TRIM2: variants seen among roughly 807,000 people sequenced by gnomAD.
TRIM2 encodes tripartite motif containing 2.
A neutral mutation model predicts 75.2 loss-of-function variants in TRIM2; 20 were observed. The ratio of observed to expected loss-of-function variants is 0.27; its 90% CI spans 0.19 to 0.39. TRIM2 has a LOEUF of 0.39. Among genes scored for constraint, TRIM2 ranks in the 10% least tolerant of loss-of-function variants. The pLI is 1.00. For synonymous variants in TRIM2, 373 were observed against 388.3 expected, an observed-to-expected ratio of 0.96 and a Z score of 0.46; for missense variants, 660 against 990.8, an observed-to-expected ratio of 0.67 and a Z score of 4.48.
At chr4:153,155,152 A>G (rs769719503) in intron 1 of TRIM2, among the ~76,000 whole-genome samples, 10 of 152,238 alleles carry the variant, frequency 6.6e-5, no homozygotes, top group Non-Finnish European at 1.0e-4. Flanking sequence ...AAAAAAAGAA[A>G]GAAAGAAAAA....
At chr4:153,245,846 T>G (rs541610006) in intron 1 of TRIM2, among the ~76,000 whole-genome samples, 2 of 152,188 alleles carry the variant, frequency 1.3e-5, no homozygotes, top group East Asian at 3.9e-4. Flanking sequence ...ACGGCTAGTT[T>G]CTTTGTATTT....
In TRIM2 at chr4:153,243,388, C is replaced by T. The variant is rs1307990847; in HGVS notation, c.31-26947C>T. On this transcript the variant is annotated intron_variant, in intron 1 of 11. Coordinates refer to ENST00000338700, the MANE Select transcript of TRIM2 (RefSeq NM_015271.5). The stretch of plus-strand genomic sequence containing the variant: ...GCTGTGCCATGTGGCAGGGCAAAGA[C>T]GAAGAGCAGTGCCAGGTTCCTTGAC... Among the ~76,000 whole-genome samples, 4 of 152,350 alleles carry T rather than the reference C, an allele frequency of 2.6e-5. 1 individual carries two copies. Among genetic ancestry groups the T allele is most frequent in the East Asian group, 3.9e-4 (2 of 5,188 alleles).
At chr4:153,208,369 G>T (rs1736038387) in intron 1 of TRIM2, among the ~76,000 whole-genome samples, 1 of 151,364 alleles carries the variant, frequency 6.6e-6, no homozygotes, top group South Asian at 2.1e-4. Context: ...AGAAATTTGT[G>T]TAATTTCTTA....
intron 4 of TRIM2, 110 bp from the exon 5 acceptor site, chr4:153,294,195 A>T (rs1019707149): frequency 5.5e-6 from 6 of 1,086,286 alleles, no homozygotes; most frequent in African/African-American, 4.8e-5. Flanking sequence ...TTGTTTTTTT[A>T]AAGATGATGA....
chr4:153,199,925 C>T (rs1478314383), upstream of TRIM2, among the ~76,000 whole-genome samples: 4 of 149,100 alleles, frequency 2.7e-5, no homozygotes, highest in South Asian at 2.1e-4. Context: ...AGGCAGGCAC[C>T]ACCATGGCCA....
chr4:153,161,679 G>A (rs551730107), intron 1 of TRIM2, among the ~76,000 whole-genome samples: 1 of 152,268 alleles, frequency 6.6e-6, no homozygotes, highest in South Asian at 2.1e-4. Flanking sequence ...AGTTTTCTTT[G>A]TATCCTTTGG....
At chr4:153,305,002 A>G (rs182752155) in intron 6 of TRIM2, among the ~76,000 whole-genome samples, 14 of 152,320 alleles carry the variant, frequency 9.2e-5, no homozygotes, top group African/African-American at 3.4e-4. Context: ...CACATGAGCT[A>G]TTATAAGGGC....
intron 3 of TRIM2, among the ~76,000 whole-genome samples, chr4:153,285,962 A>G (rs1222371722): frequency 2.0e-5 from 3 of 152,224 alleles, no homozygotes; most frequent in Non-Finnish European, 4.4e-5. Flanking sequence ...TTGATTAAGT[A>G]TGATGTTAGC....
At chr4:153,314,443 A>T (rs1413535553) in intron 6 of TRIM2, among the ~76,000 whole-genome samples, 1 of 138,516 alleles carries the variant, frequency 7.2e-6, no homozygotes, top group Non-Finnish European at 1.6e-5. Context: ...AAAAAAAAAA[A>T]GAGAGTCTAG....
At chr4:153,262,454 C>G (rs972478520) in intron 1 of TRIM2, among the ~76,000 whole-genome samples, 1 of 152,146 alleles carries the variant, frequency 6.6e-6, no homozygotes, top group African/African-American at 2.4e-5. Flanking sequence ...GCCAGCTGGT[C>G]CATCAGAATA....
chr4:153,177,503 A>G (rs1206202773), intron 1 of TRIM2, among the ~76,000 whole-genome samples: 2 of 152,026 alleles, frequency 1.3e-5, no homozygotes, highest in African/African-American at 4.8e-5. Context: ...AAAATTAGCC[A>G]GGCATGGTGG....
In TRIM2 at chr4:153,171,792, C is replaced by T. The variant is rs571017220; in HGVS notation, c.-49+18522C>T. Among the ~76,000 whole-genome samples the T allele has an allele frequency of 2.0e-5, 3 of 149,928 alleles. No homozygotes were observed. The East Asian group carries it at 5.8e-4, about 29-fold the overall frequency. ...CAACAGTTACCAACATTTTGCCAACCTTGTCCCTCCCCGCATCCCAGCTTT... is the reference window on the plus strand; with the variant it reads ...CAACAGTTACCAACATTTTGCCAACTTTGTCCCTCCCCGCATCCCAGCTTT... On this transcript the variant is annotated intron_variant, in intron 1 of 11. Coordinates refer to the TRIM2 transcript ENST00000437508.
rs1303837137 is a variant in TRIM2, at chr4:153,335,364, G to A, written c.*398G>A. On this transcript the variant is annotated 3_prime_UTR_variant, in exon 12 of 12. Transcript: ENST00000338700. ...AAGCAAAACAAAAACAAAATCTATT[G>A]TAGTTATATACTTCATTTAACCTAG... 3 of 988,840 alleles carry A rather than the reference G, an allele frequency of 3.0e-6. No individual in the cohort carries two copies. Among genetic ancestry groups the A allele is most frequent in the African/African-American group, 1.7e-5 (1 of 57,352 alleles). The allele number at this position is 988,840 out of a possible 1,614,324, so 61.3% of individuals were successfully genotyped here.
chr4:153,293,291 T>C (rs188360113), intron 4 of TRIM2, among the ~76,000 whole-genome samples, 158 bp downstream of exon 4: 69 of 152,364 alleles, frequency 4.5e-4, no homozygotes, highest in Admixed American at 4.5e-3. Flanking sequence ...TGTCATAAAC[T>C]AATGAGTGAG....
At chr4:153,233,874 C>T (rs779517199) in intron 1 of TRIM2, among the ~76,000 whole-genome samples, 10 of 152,112 alleles carry the variant, frequency 6.6e-5, no homozygotes, top group South Asian at 2.1e-4. Context: ...ATTTCTGCCA[C>T]GGAGGTATGA....
chr4:153,336,135 C>A lies in TRIM2; in HGVS notation c.*1169C>A, dbSNP rs73854658. ...AATGTATTATATATATATATATATA[C>A]ACACACACATATATATAGCTGAATC... On this transcript the variant is annotated 3_prime_UTR_variant, in exon 12 of 12. Transcript: ENST00000338700. 2 of 657,772 alleles carry A rather than the reference C, an allele frequency of 3.0e-6. No homozygotes were observed. The highest frequency in any genetic ancestry group is 3.6e-6 in the Non-Finnish European group (2 of 558,660). The allele number at this position is 657,772 out of a possible 1,614,324, so 40.7% of individuals were successfully genotyped here.
chr4:153,178,601 T>C (rs1731720775), intron 1 of TRIM2, among the ~76,000 whole-genome samples: 1 of 152,046 alleles, frequency 6.6e-6, no homozygotes, highest in Admixed American at 6.6e-5. Context: ...TTTGGTTCCT[T>C]GAGATGTTGG....
intron 1 of TRIM2, among the ~76,000 whole-genome samples, chr4:153,180,171 T>C (rs1731905212): frequency 6.6e-6 from 1 of 152,224 alleles, no homozygotes; most frequent in African/African-American, 2.4e-5. Flanking sequence ...ACGGGCAGAA[T>C]GATTTGCCTT....
chr4:153,255,515 C>G (rs746359033), intron 1 of TRIM2, among the ~76,000 whole-genome samples: 2 of 152,186 alleles, frequency 1.3e-5, no homozygotes, highest in Non-Finnish European at 2.9e-5. Context: ...TGTAGTAAGT[C>G]AGACACCTGT....
Sources: gnomAD v4.1 joint callset for allele counts (sites outside exome capture counted in the v4.1 genomes callset) on GRCh38, gnomAD v4.1.1 for gene constraint, MANE v1.5 for transcripts, NCBI Gene and HGNC (gene_info 2026-07-23, HGNC 2026-07-21) for gene names.